Variants in WWC2 observed in about 807,000 individuals in gnomAD.
WWC2 encodes the protein WW and C2 domain containing 2.
Under a neutral mutation model 138.5 loss-of-function variants are expected in WWC2, and 101 were observed. The observed-to-expected ratio is 0.73, with a 90% CI of 0.62 to 0.86. The LOEUF is 0.86. Ranked by LOEUF, WWC2 falls within the 40% of genes least tolerant of loss-of-function variation. The pLI, the probability that WWC2 is intolerant of heterozygous loss-of-function variation, is 0.00. For synonymous variants in WWC2, 558 were observed against 538.4 expected (o/e 1.04, Z -0.50); for missense variants, 1,420 against 1,419.4 (o/e 1.00, Z -0.01).
chr4:183,207,928 A>T, intron 2 of WWC2, 25 bp from the exon 3 acceptor site: 1 of 1,571,206 alleles, frequency 6.4e-7, no homozygotes, highest in Non-Finnish European at 8.6e-7. Context: ...AATTCTAAAA[A>T]GTACCCTCCA....
chr4:183,165,356 C>T (rs911248556), intron 1 of WWC2, among the ~76,000 whole-genome samples: 5 of 152,134 alleles, frequency 3.3e-5, no homozygotes, highest in Admixed American at 2.6e-4. Context: ...AACAGAAAAG[C>T]ATCTTTGGCC....
At chr4:183,216,004 A>G (rs1735745179) in intron 4 of WWC2, among the ~76,000 whole-genome samples, 1 of 152,214 alleles carries the variant, frequency 6.6e-6, no homozygotes, top group African/African-American at 2.4e-5. Flanking sequence ...TTTGAAGGTC[A>G]TAGGGTCTAA....
At chr4:183,137,651 A>G (rs553537341) in intron 1 of WWC2, among the ~76,000 whole-genome samples, 1 of 152,134 alleles carries the variant, frequency 6.6e-6, no homozygotes, top group Admixed American at 6.5e-5. Flanking sequence ...GATGCGCACC[A>G]CCATACCTGA....
intron 14 of WWC2, among the ~76,000 whole-genome samples, chr4:183,266,322 T>C (rs1737501878): frequency 6.6e-6 from 1 of 152,258 alleles, no homozygotes; most frequent in South Asian, 2.1e-4. Flanking sequence ...AATGTAGTGA[T>C]TAAATTTTAT....
At chr4:183,099,755 G>C in intron 1 of WWC2, 133 bp downstream of exon 1, 1 of 962,858 alleles carries the variant, frequency 1.0e-6, no homozygotes. Context: ...TGTGGGGCTG[G>C]CTGCTCCGGC....
At position 183,284,405 on chromosome 4, in the gene WWC2, C is replaced by T. The variant is rs2111064270; in HGVS notation, c.3048+15C>T. 2 of 1,607,892 alleles carry T rather than the reference C, an allele frequency of 1.2e-6. No homozygotes were observed. Among genetic ancestry groups the T allele is most frequent in the Admixed American group, 1.7e-5 (1 of 59,978 alleles). ...ACATCTGCAGGGTAAGGTGGCAGTG[C>T]TCGTGGTGAGGCGCTGGGACTGCAG... is the stretch of plus-strand genomic sequence containing the variant. On this transcript the variant is annotated intron_variant, in intron 19 of 22. Coordinates refer to ENST00000403733, the MANE Select transcript of WWC2 (RefSeq NM_024949.6).
intron 1 of WWC2, among the ~76,000 whole-genome samples, chr4:183,138,858 G>A (rs1447285050): frequency 6.6e-6 from 1 of 152,140 alleles, no homozygotes; most frequent in African/African-American, 2.4e-5. Context: ...AGTCCTTCAT[G>A]TGGCTGGAAA....
chr4:183,188,483 C>T (rs1369617354), intron 1 of WWC2, among the ~76,000 whole-genome samples: 1 of 152,080 alleles, frequency 6.6e-6, no homozygotes, highest in African/African-American at 2.4e-5. Flanking sequence ...AGTGATCTGC[C>T]TGTCTCAGCA....
chr4:183,171,790 CTT>C (rs756034523), intron 1 of WWC2, among the ~76,000 whole-genome samples: 181 of 152,234 alleles, frequency 1.2e-3, no homozygotes, highest in Non-Finnish European at 2.2e-3. Context: ...TTTTAAATAA[CTT>C]TATCTATCTA....
intron 1 of WWC2, among the ~76,000 whole-genome samples, chr4:183,116,617 C>T (rs1434081335): frequency 2.0e-5 from 3 of 152,186 alleles, no homozygotes; most frequent in Non-Finnish European, 2.9e-5. Context: ...GAAGATAGAG[C>T]CTCCTTCAGG....
chr4:183,178,423 T>TA (rs1734526358), intron 1 of WWC2, among the ~76,000 whole-genome samples: 1 of 117,964 alleles, frequency 8.5e-6, no homozygotes, highest in Admixed American at 8.7e-5. Flanking sequence ...TAAATAAATT[T>TA]AAAAAATTAG....
Position 183,271,289 on chromosome 4 carries a change from A to T in WWC2, c.2562+48A>T, listed in dbSNP as rs1383788240. On this transcript the variant is annotated intron_variant, in intron 16 of 22. Coordinates refer to ENST00000403733, the MANE Select transcript of WWC2 (RefSeq NM_024949.6). ...TATGAAAGTAATGTGAAATACATATATGAAATACATATATGAAAGTAATAT... is the reference window on the plus strand; with the variant it reads ...TATGAAAGTAATGTGAAATACATATTTGAAATACATATATGAAAGTAATAT... 3.4e-6 allele frequency: 5 copies of T among 1,452,940 alleles called. No homozygotes were observed. The African/African-American group carries it at 7.1e-5, about 21-fold the overall frequency. The allele number at this position is 1,452,940 out of a possible 1,614,324, so 90.0% of individuals were successfully genotyped here.
chr4:183,121,785 C>CTTTTT (rs528295307), intron 1 of WWC2, among the ~76,000 whole-genome samples: 4 of 124,216 alleles, frequency 3.2e-5, no homozygotes, highest in South Asian at 2.6e-4. Flanking sequence ...TGTTAAGAAG[C>CTTTTT]TTTTTTTTTT....
chr4:183,211,402 A>T (rs1307233958), intron 4 of WWC2, among the ~76,000 whole-genome samples: 3 of 152,180 alleles, frequency 2.0e-5, no homozygotes, highest in Non-Finnish European at 4.4e-5. Flanking sequence ...CTGCACATTA[A>T]TGTGTAATTT....
chr4:183,257,969 GC>G (rs1356245833), intron 9 of WWC2, among the ~76,000 whole-genome samples: 1 of 152,222 alleles, frequency 6.6e-6, no homozygotes, highest in Non-Finnish European at 1.5e-5. Context: ...GGCTGGAAGA[GC>G]AGCTGCCGAG....
In WWC2 at chr4:183,121,642, G is replaced by T. The variant is rs540480833; in HGVS notation, c.131+22020G>T. Among the ~76,000 whole-genome samples, 328 of 152,170 alleles carry T rather than the reference G, an allele frequency of 2.2e-3. 1 individual carries two copies. The highest frequency in any genetic ancestry group is 3.7e-3 in the Non-Finnish European group (254 of 68,008). ...CCCAGTAACCCATGAATTTATGCCT[G>T]TTCCCCACACCTTTGTCAAACATTA... On this transcript the variant is annotated intron_variant, in intron 1 of 22. Coordinates refer to ENST00000403733, the MANE Select transcript of WWC2 (RefSeq NM_024949.6).
chr4:183,232,365 G>A (rs1736272093), intron 4 of WWC2, among the ~76,000 whole-genome samples: 1 of 151,996 alleles, frequency 6.6e-6, no homozygotes, highest in Non-Finnish European at 1.5e-5. Context: ...CTAACTGTAG[G>A]ACATTTTTGC....
chr4:183,289,863 TGGGCGTGGCCAGTAGGGTGA>T lies in WWC2; in HGVS notation c.3384+242_3384+261del, dbSNP rs558550469. ...GGAAGGTGGGTGTGGCAGCAGGGGA[TGGGCGTGGCCAGTAGGGTGA>T]GGGCGTGGCCAGTGGGGGTGAGGGT... On this transcript the variant is annotated intron_variant, in intron 21 of 22. Coordinates refer to ENST00000403733, the MANE Select transcript of WWC2 (RefSeq NM_024949.6). Among the ~76,000 whole-genome samples, 667 of 150,660 alleles carry T rather than the reference TGGGCGTGGCCAGTAGGGTGA, an allele frequency of 4.4e-3. 4 individuals carry two copies. The highest frequency in any genetic ancestry group is 0.016 in the African/African-American group (638 of 40,950).
At chr4:183,181,311 C>T (rs765070152) in intron 1 of WWC2, among the ~76,000 whole-genome samples, 5 of 152,116 alleles carry the variant, frequency 3.3e-5, no homozygotes, top group Admixed American at 1.3e-4. Context: ...TAGTGCAATA[C>T]GTAAACCTTT....
Sources: allele counts gnomAD v4.1 joint callset (sites outside exome capture counted in the v4.1 genomes callset), GRCh38; gene constraint gnomAD v4.1.1; transcripts MANE v1.5; gene names NCBI Gene and HGNC (gene_info 2026-07-23, HGNC 2026-07-21).